The following AKAP6 variants were observed in gnomAD, a reference collection of about 807,000 sequenced individuals.
AKAP6 encodes the protein A-kinase anchoring protein 6.
AKAP6 carries 58 observed loss-of-function variants against 188.5 expected under a neutral mutation model. That is an observed-to-expected ratio of 0.31 (90% CI 0.25 to 0.38). The LOEUF is 0.38. AKAP6 is among the 10% of genes least tolerant of loss of function. The pLI is 1.00. For synonymous variants in AKAP6, 989 were observed against 998.6 expected (o/e 0.99, Z 0.18); for missense variants, 2,710 against 2,740.0 (o/e 0.99, Z 0.24).
chr14:32,581,625 A>G (rs1216510197), intron 5 of AKAP6, among the ~76,000 whole-genome samples: 2 of 152,066 alleles, frequency 1.3e-5, no homozygotes, highest in African/African-American at 2.4e-5. Context: ...TTGTGTGGGA[A>G]TCTAAGTCTC....
rs184429867 is a variant in AKAP6, at chr14:32,531,934, A to G, written c.325-3620A>G. On this transcript the variant is annotated intron_variant, in intron 2 of 13. Coordinates refer to ENST00000280979, the MANE Select transcript of AKAP6 (RefSeq NM_004274.5). Reference sequence around the variant, plus strand: ...AGTTTACCTATTGAAGGTTTTAGCAATTGTGGGTGGAGCTTCTTTTCATTT... The same window carrying G: ...AGTTTACCTATTGAAGGTTTTAGCAGTTGTGGGTGGAGCTTCTTTTCATTT... Among the ~76,000 whole-genome samples, 681 of 152,282 alleles carry G rather than the reference A, an allele frequency of 4.5e-3. 9 individuals carry two copies. The highest frequency in any genetic ancestry group is 0.041 in the Middle Eastern group (12 of 294).
intron 2 of AKAP6, among the ~76,000 whole-genome samples, chr14:32,498,172 C>T (rs1293145352): frequency 6.6e-6 from 1 of 152,110 alleles, no homozygotes; most frequent in Non-Finnish European, 1.5e-5. Context: ...TGTCATTTTA[C>T]AGCCCACATA....
chr14:32,729,390 G>C lies in AKAP6; in HGVS notation c.3001-3064G>C, dbSNP rs907325918. Among the ~76,000 whole-genome samples, 3 of 152,174 alleles carry C rather than the reference G, an allele frequency of 2.0e-5. No individual in the cohort carries two copies. The East Asian group carries it at 5.8e-4, about 29-fold the overall frequency. The stretch of plus-strand genomic sequence containing the variant: ...AAGTATATTTATTTCAGAAATTCCT[G>C]TTTTTGCTGGCTTTGTTTTATAATT... On this transcript the variant is annotated intron_variant, in intron 9 of 13. Coordinates refer to ENST00000280979, the MANE Select transcript of AKAP6 (RefSeq NM_004274.5).
rs1454402781 is a variant in AKAP6 at position 32,833,787 on chromosome 14, C to G, written c.*3982C>G. The G allele has an allele frequency of 6.6e-6, 1 of 152,062 alleles. No individual in the cohort carries two copies. The highest frequency in any genetic ancestry group is 1.5e-5 in the Non-Finnish European group (1 of 67,992). The allele number at this position is 152,062 out of a possible 1,614,324, so 9.4% of individuals were successfully genotyped here. A position where few individuals can be genotyped will look rare whatever the true frequency, so the allele number is the denominator to read the frequency against. ...TAATTCTTATATTTTAAATATAAAT[C>G]GAACCAACTAAATTTACCGCTATAT... On this transcript the variant is annotated 3_prime_UTR_variant, in exon 14 of 14. Coordinates refer to ENST00000280979, the MANE Select transcript of AKAP6 (RefSeq NM_004274.5).
chr14:32,359,047 C>T (rs1887572102), intron 1 of AKAP6, among the ~76,000 whole-genome samples: 1 of 152,172 alleles, frequency 6.6e-6, no homozygotes, highest in Admixed American at 6.5e-5. Context: ...GACAAAAACT[C>T]AGCTAACACT....
intron 12 of AKAP6, among the ~76,000 whole-genome samples, chr14:32,786,212 G>T (rs146015346): frequency 6.7e-6 from 1 of 150,262 alleles, no homozygotes; most frequent in Non-Finnish European, 1.5e-5. Context: ...TTTCATGTTC[G>T]CTCTGAGGAC....
rs748261437 is a variant in AKAP6 at position 32,823,910 on chromosome 14, A to G, written c.6097A>G (p.Ile2033Val). Residue 2033 changes from isoleucine (I) to valine (V), a missense_variant, in exon 13 of 14, where the codon ATC becomes GTC. Transcript: ENST00000280979. ...EQNGTEENASISNISCCNCEP... is the reference protein window; with the variant it reads ...EQNGTEENASVSNISCCNCEP... Reference sequence around the variant, plus strand: ...AAACGGAACAGAGGAAAATGCTTCTATCAGCAACATTTCCTGTTGCAACTG... The same window carrying G: ...AAACGGAACAGAGGAAAATGCTTCTGTCAGCAACATTTCCTGTTGCAACTG... The G allele has an allele frequency of 1.2e-6, 2 of 1,613,832 alleles. No homozygotes were observed. The highest frequency in any genetic ancestry group is 1.7e-6 in the Non-Finnish European group (2 of 1,179,960).
intron 4 of AKAP6, among the ~76,000 whole-genome samples, chr14:32,572,766 AGTCTT>A (rs926674264): frequency 6.6e-6 from 1 of 152,236 alleles, no homozygotes; most frequent in African/African-American, 2.4e-5. Context: ...GGTGCTTCTT[AGTCTT>A]TAAAGAGATT....
intron 1 of AKAP6, among the ~76,000 whole-genome samples, chr14:32,360,369 C>T (rs966190787): frequency 2.6e-5 from 4 of 152,120 alleles, no homozygotes; most frequent in African/African-American, 9.7e-5. Context: ...CTCAGGGATC[C>T]GTCCGCCTTG....
chr14:32,689,723 T>C (rs1467095142), intron 8 of AKAP6, among the ~76,000 whole-genome samples: 2 of 152,134 alleles, frequency 1.3e-5, no homozygotes, highest in African/African-American at 4.8e-5. Flanking sequence ...ATCTCCCTTC[T>C]GTGCTTATAT....
chr14:32,531,225 T>C (rs1452437035), intron 2 of AKAP6, among the ~76,000 whole-genome samples: 1 of 152,224 alleles, frequency 6.6e-6, no homozygotes, highest in African/African-American at 2.4e-5. Context: ...AAAAATCTTA[T>C]GCAACTTTTA....
At position 32,822,573 on chromosome 14, in the gene AKAP6, G is replaced by A. The variant is rs1334923209; in HGVS notation, c.4760G>A (p.Ser1587Asn). 6.2e-7 allele frequency: 1 copy of A among 1,614,008 alleles called. No homozygotes were observed. Among genetic ancestry groups the A allele is most frequent in the South Asian group, 1.1e-5 (1 of 91,068 alleles). Residue 1587 changes from serine to asparagine, a missense_variant, in exon 13 of 14, where the codon AGT (serine) becomes AAT (asparagine). By Grantham distance (46) the Ser-to-Asn change is conservative. Transcript: ENST00000280979. ...GGATTGGGCATCTTTAAAAATGGCA[G>A]TGACAGCCTCCAGCGAAGCACTTCT... is the stretch of plus-strand genomic sequence containing the variant. Reference protein sequence around the residue: ...LFGLGIFKNGSDSLQRSTSLE... With the variant: ...LFGLGIFKNGNDSLQRSTSLE...
At chr14:32,456,828 A>G (rs1891159360) in intron 2 of AKAP6, among the ~76,000 whole-genome samples, 1 of 152,244 alleles carries the variant, frequency 6.6e-6, no homozygotes, top group Non-Finnish European at 1.5e-5. Context: ...TCAAAGGAAG[A>G]TACTAACTTA....
rs772586515 is a variant in AKAP6, at chr14:32,823,960, A to G, written c.6147A>G (p.Lys2049=). 3.1e-6 allele frequency: 5 copies of G among 1,613,868 alleles called. No homozygotes were observed. Among genetic ancestry groups the G allele is most frequent in the Non-Finnish European group, 4.2e-6 (5 of 1,179,954 alleles). ...GTGAGCCAGATGTTTTCCATCAAAA[A>G]GATGCCGAAGATTGTTCAGTACACA... is the stretch of plus-strand genomic sequence containing the variant. ...CNCEPDVFHQ[K]DAEDCSVHNF... Residue 2049 remains lysine (K), a synonymous_variant, in exon 13 of 14, where the codon AAA becomes AAG. Coordinates refer to ENST00000280979, the MANE Select transcript of AKAP6 (RefSeq NM_004274.5).
intron 7 of AKAP6, among the ~76,000 whole-genome samples, chr14:32,676,595 T>C (rs1889436349): frequency 6.6e-6 from 1 of 152,204 alleles, no homozygotes; most frequent in Non-Finnish European, 1.5e-5. Flanking sequence ...TAGTTCTTAA[T>C]CCAATTGAGT....
chr14:32,813,163 C>A (rs2034282736), intron 12 of AKAP6, among the ~76,000 whole-genome samples: 1 of 152,100 alleles, frequency 6.6e-6, no homozygotes, highest in Non-Finnish European at 1.5e-5. Flanking sequence ...GCTAGAATTG[C>A]TAGAAGAGCT....
intron 7 of AKAP6, among the ~76,000 whole-genome samples, chr14:32,665,626 G>A (rs530620962): frequency 3.7e-4 from 56 of 152,134 alleles, no homozygotes; most frequent in African/African-American, 1.3e-3. Context: ...TATAGGGTGG[G>A]ACCCTCTCAT....
chr14:32,807,086 A>G (rs1000050219), intron 12 of AKAP6, among the ~76,000 whole-genome samples: 57 of 151,618 alleles, frequency 3.8e-4, no homozygotes, highest in Non-Finnish European at 1.2e-4. Context: ...ATATATATAT[A>G]TAAAATCCCA....
intron 1 of AKAP6, among the ~76,000 whole-genome samples, chr14:32,405,678 T>TC (rs1337092884): frequency 9.0e-5 from 10 of 110,508 alleles, no homozygotes; most frequent in Non-Finnish European, 3.8e-5. Context: ...GGGGGCAGTT[T>TC]CCCCCATACT....
Sources: gnomAD v4.1 joint callset for allele counts (sites outside exome capture counted in the v4.1 genomes callset) on GRCh38, gnomAD v4.1.1 for gene constraint, MANE v1.5 for transcripts, NCBI Gene and HGNC (gene_info 2026-07-23, HGNC 2026-07-21) for gene names.